ANKFY1: variants seen among roughly 807,000 people sequenced by gnomAD.
ANKFY1 encodes ankyrin repeat and FYVE domain containing 1, also known as ankyrin repeat and FYVE domain-containing protein 1.
Under a neutral mutation model 128.3 loss-of-function variants are expected in ANKFY1, and 47 were observed. The ratio of observed to expected loss-of-function variants is 0.37; its 90% CI spans 0.29 to 0.47. The LOEUF (loss-of-function observed/expected upper bound fraction) is 0.47, where lower values mean the gene tolerates loss of function less well. Among genes scored for constraint, ANKFY1 ranks in the 20% least tolerant of loss-of-function variants. The pLI is 1.00. For synonymous variants in ANKFY1, 553 were observed against 601.6 expected, an observed-to-expected ratio of 0.92 and a Z score of 1.18; for missense variants, 1,222 against 1,510.6, an observed-to-expected ratio of 0.81 and a Z score of 3.17.
At chr17:4,243,752 T>C (rs4573968) in intron 1 of ANKFY1, among the ~76,000 whole-genome samples, 54,562 of 151,898 alleles carry the variant, frequency 0.36, 9,925 homozygotes, top group Admixed American at 0.41. Context: ...GATGGAGGCA[T>C]GCCATCTTCC....
At chr17:4,201,869 G>A (rs762638357) in intron 7 of ANKFY1, among the ~76,000 whole-genome samples, 4 of 152,130 alleles carry the variant, frequency 2.6e-5, no homozygotes, top group African/African-American at 9.7e-5. Flanking sequence ...GTCCTACTCT[G>A]TAGCATGAAC....
chr17:4,197,133 A>G (rs2143010872), intron 8 of ANKFY1, among the ~76,000 whole-genome samples: 1 of 152,240 alleles, frequency 6.6e-6, no homozygotes, highest in Middle Eastern at 3.4e-3. Context: ...AAAAACAAAC[A>G]AACAACACAC....
intron 1 of ANKFY1, among the ~76,000 whole-genome samples, chr17:4,250,322 CTCAAA>C (rs940230880): frequency 1.1e-3 from 166 of 152,312 alleles, no homozygotes; most frequent in Non-Finnish European, 4.4e-5. Context: ...TCATATCTTC[CTCAAA>C]TCAAAGTCTT....
chr17:4,210,455 T>TCCCAGCGCTTTGGGAGG (rs2060105538), intron 4 of ANKFY1, among the ~76,000 whole-genome samples: 1 of 152,184 alleles, frequency 6.6e-6, no homozygotes, highest in South Asian at 2.1e-4. Context: ...ACGCCTGTAA[T>TCCCAGCGCTTTGGGAGG]CCCAGCGCTT....
chr17:4,195,239 A>C, intron 9 of ANKFY1, 62 bp from the exon 10 acceptor site: 1 of 1,508,214 alleles, frequency 6.6e-7, no homozygotes. Flanking sequence ...TATACTGACA[A>C]CAACCTGGTT....
intron 4 of ANKFY1, 68 bp from the exon 5 acceptor site, chr17:4,210,015 G>A (rs942739199): frequency 8.0e-6 from 12 of 1,496,764 alleles, no homozygotes; most frequent in African/African-American, 1.4e-5. Context: ...AAACCAAAGC[G>A]ATCATCTTTG....
chr17:4,251,916 C>T (rs1371816662), intron 1 of ANKFY1, among the ~76,000 whole-genome samples: 2 of 151,940 alleles, frequency 1.3e-5, no homozygotes, highest in Non-Finnish European at 2.9e-5. Flanking sequence ...CGCCTGTAGT[C>T]CCAGCTACTA....
In ANKFY1 at chr17:4,186,872, A is replaced by C. The variant is rs976118399; in HGVS notation, c.1471-1826T>G. The C allele has an allele frequency of 7.0e-5, 72 of 1,031,936 alleles. No individual in the cohort carries two copies. The African/African-American group carries it at 1.2e-3, about 17-fold the overall frequency. The allele number at this position is 1,031,936 out of a possible 1,614,324, so 63.9% of individuals were successfully genotyped here. A position where few individuals can be genotyped will look rare whatever the true frequency, so the allele number is the denominator to read the frequency against. On this transcript the variant is annotated intron_variant, in intron 11 of 24. Transcript: ENST00000341657. ...CCCCATTCTTGCATCTAATTTTCCC[A>C]CTGCCTGTTAGACATCCCTACCTTA...
chr17:4,217,246 A>G, intron 3 of ANKFY1, 128 bp from the exon 4 acceptor site: 1 of 1,074,950 alleles, frequency 9.3e-7, no homozygotes, highest in South Asian at 1.6e-5. Context: ...AATATTACAC[A>G]GTCATTAAAA....
Position 4,178,839 on chromosome 17 carries a change from C to A in ANKFY1, c.2598+18G>T. 2 of 1,612,674 alleles carry A rather than the reference C, an allele frequency of 1.2e-6. No homozygotes were observed. The highest frequency in any genetic ancestry group is 2.2e-5 in the South Asian group (2 of 90,972). ...ACGCCCAGGACCATGTGGAGAAGGT[C>A]AGGTGTTATTCACTCACCTGCTCAG... On this transcript the variant is annotated intron_variant, in intron 18 of 24. Transcript: ENST00000341657. The surrounding 1 kb of genome is among the most constrained non-coding windows in gnomAD (Gnocchi z 4.1).
chr17:4,203,423 G>C (rs753604103), intron 7 of ANKFY1, among the ~76,000 whole-genome samples: 1 of 152,120 alleles, frequency 6.6e-6, no homozygotes, highest in African/African-American at 2.4e-5. Flanking sequence ...TATTCAGCCA[G>C]TAACCTTCAT....
At chr17:4,192,572 C>CTAATCTGGAGACTCCTAGTCGATGGT (rs2059738023) in intron 10 of ANKFY1, among the ~76,000 whole-genome samples, 1 of 151,378 alleles carries the variant, frequency 6.6e-6, no homozygotes, top group Non-Finnish European at 1.5e-5. Flanking sequence ...GATGGTTACT[C>CTAATCTGGAGACTCCTAGTCGATGGT]TAATCTGGAG....
At chr17:4,215,583 T>TAAGAAAG (rs918719351) in intron 4 of ANKFY1, among the ~76,000 whole-genome samples, 1 of 152,148 alleles carries the variant, frequency 6.6e-6, no homozygotes, top group Non-Finnish European at 1.5e-5. Flanking sequence ...CCCGGTGTCT[T>TAAGAAAG]CCACTCCAGC....
intron 3 of ANKFY1, chr17:4,223,518 G>C: frequency 8.4e-7 from 1 of 1,187,368 alleles, no homozygotes; most frequent in East Asian, 2.3e-5. Context: ...ATGAAAACAG[G>C]CCAGTTTGTT....
rs563160661 is a variant in ANKFY1 at position 4,217,036 on chromosome 17, C to T, written c.405G>A (p.Leu135=). 3.7e-6 allele frequency: 6 copies of T among 1,614,160 alleles called. No individual in the cohort carries two copies. The East Asian group carries it at 1.1e-4, about 30-fold the overall frequency. The change falls in exon 4 of 25, where the codon CTG becomes CTA. Residue 135 remains leucine (L), a synonymous_variant. Coordinates refer to ENST00000341657, the MANE Select transcript of ANKFY1 (RefSeq NM_001330063.2). ...GATTTGCTAGTTTCATCAGTTCAGT[C>T]AGGAACACATCATCCTCTCTGAACT... ...ELEFREDDVF[L]TELMKLANRF...
At chr17:4,249,020 A>C in intron 1 of ANKFY1, 3 of 546,478 alleles carry the variant, frequency 5.5e-6, no homozygotes, top group Non-Finnish European at 7.0e-6. Flanking sequence ...AAAAATCTTC[A>C]TTCATTACAA....
intron 3 of ANKFY1, among the ~76,000 whole-genome samples, chr17:4,220,864 A>G (rs981188907): frequency 8.5e-5 from 13 of 152,228 alleles, no homozygotes; most frequent in Non-Finnish European, 1.5e-4. Flanking sequence ...TGACTGCATA[A>G]AGCACGAGTT....
intron 7 of ANKFY1, among the ~76,000 whole-genome samples, chr17:4,197,844 G>A (rs2059854577): frequency 6.6e-6 from 1 of 152,136 alleles, no homozygotes; most frequent in South Asian, 2.1e-4. Context: ...AGAATACTAG[G>A]CTGGGCCAGG....
chr17:4,210,732 A>AAAAAAAC (rs2060113862), intron 4 of ANKFY1, among the ~76,000 whole-genome samples: 1 of 145,876 alleles, frequency 6.9e-6, no homozygotes, highest in Non-Finnish European at 1.5e-5. Context: ...AAAAAAAAAA[A>AAAAAAAC]GCTCTCCTAT....
Sources: gnomAD v4.1 joint callset for allele counts (sites outside exome capture counted in the v4.1 genomes callset) on GRCh38, gnomAD v4.1.1 for gene constraint, Gnocchi (gnomAD v3.1) non-coding constraint, MANE v1.5 for transcripts, NCBI Gene and HGNC (gene_info 2026-07-23, HGNC 2026-07-21) for gene names.